PSME4: variants seen among roughly 807,000 people sequenced by gnomAD.
The protein encoded by PSME4 is proteasome activator complex subunit 4.
Under a neutral mutation model 253.9 loss-of-function variants are expected in PSME4, and 89 were observed. The observed-to-expected ratio is 0.35, with a 90% CI of 0.30 to 0.42. The LOEUF (loss-of-function observed/expected upper bound fraction) is 0.42, where lower values mean the gene tolerates loss of function less well. PSME4 is among the 10% of genes least tolerant of loss of function. The pLI is 1.00. For missense variants in PSME4, 2,014 were observed against 2,195.2 expected (o/e 0.92, Z 1.65); for synonymous variants, 851 against 759.2 (o/e 1.12, Z -1.99).
rs759299908 is a variant in PSME4, at chr2:53,927,460, T to C, written c.1527A>G (p.Thr509=). The C allele has an allele frequency of 1.4e-5, 22 of 1,593,606 alleles. No individual in the cohort carries two copies. The highest frequency in any genetic ancestry group is 1.8e-5 in the Non-Finnish European group (21 of 1,161,524). Residue 509 remains threonine, a synonymous_variant, in exon 12 of 47, where the codon ACA becomes ACG. Coordinates refer to ENST00000404125, the MANE Select transcript of PSME4 (RefSeq NM_014614.3). ...CTACTAAAGGCACCAGAGTAGAAAA[T>C]GTTGCTATGAACTGGAATGTGATCT... ...KCMITFQFIA[T]FSTLVPLVDC...
At chr2:53,893,111 T>C in intron 35 of PSME4, 151 bp from the exon 36 acceptor site, 1 of 575,016 alleles carries the variant, frequency 1.7e-6, no homozygotes, top group South Asian at 3.7e-5. Flanking sequence ...TAAGTTAAAA[T>C]AGTAAGAATA....
chr2:53,885,545 C>G, intron 41 of PSME4, 145 bp downstream of exon 41: 1 of 560,468 alleles, frequency 1.8e-6, no homozygotes, highest in Non-Finnish European at 3.2e-6. Context: ...CCACTATCAC[C>G]TAATGATTTT....
rs1013806945 is a variant in PSME4 at position 53,864,979 on chromosome 2, C to T, written c.*599G>A. 2.0e-5 allele frequency: 3 copies of T among 152,632 alleles called. No homozygotes were observed. Among genetic ancestry groups the T allele is most frequent in the Non-Finnish European group, 4.4e-5 (3 of 68,042 alleles). 9.5% of individuals were successfully genotyped at this position (152,632 alleles called of 1,614,324 possible). A position where few individuals can be genotyped will look rare whatever the true frequency, so the allele number is the denominator to read the frequency against. On this transcript the variant is annotated 3_prime_UTR_variant, in exon 47 of 47. Coordinates refer to ENST00000404125, the MANE Select transcript of PSME4 (RefSeq NM_014614.3). Reference sequence around the variant, plus strand: ...AACTGGCTCTATTCAGCACCAAAAACTCCAGTCTGTGGGAAGTGCACAGAC... The same window carrying T: ...AACTGGCTCTATTCAGCACCAAAAATTCCAGTCTGTGGGAAGTGCACAGAC...
intron 3 of PSME4, among the ~76,000 whole-genome samples, chr2:53,948,176 A>C (rs1669812322): frequency 2.0e-5 from 3 of 152,242 alleles, no homozygotes; most frequent in Admixed American, 1.3e-4. Flanking sequence ...AAAATATAAA[A>C]CCAAAAATTA....
chr2:53,897,326 T>C (rs1003200859), intron 31 of PSME4, among the ~76,000 whole-genome samples: 4 of 151,948 alleles, frequency 2.6e-5, no homozygotes, highest in Admixed American at 1.3e-4. Flanking sequence ...TGTGCCACCA[T>C]GCCCAGCTAA....
chr2:53,885,677 A>G lies in PSME4; in HGVS notation c.4815+13T>C, dbSNP rs372660996. 74 of 1,591,322 alleles carry G rather than the reference A, an allele frequency of 4.7e-5. No homozygotes were observed. The African/African-American group carries it at 9.3e-4, about 20-fold the overall frequency. ...CAAAAGGAGATGCATTCTTAATTTC[A>G]GCAAAACCTTACCTTGAAAAACAAA... On this transcript the variant is annotated intron_variant, in intron 41 of 46. Coordinates refer to ENST00000404125, the MANE Select transcript of PSME4 (RefSeq NM_014614.3).
chr2:53,923,313 A>G lies in PSME4; in HGVS notation c.1908+8T>C. 6.3e-7 allele frequency: 1 copy of G among 1,592,044 alleles called. No individual in the cohort carries two copies. Among genetic ancestry groups the G allele is most frequent in the Non-Finnish European group, 8.5e-7 (1 of 1,173,886 alleles). ...CATTAATACATCAGTTCAAAAAAAT[A>G]AACTCACCTTTACAGCAGCGCGGCA... On this transcript the variant is annotated splice_region_variant and intron_variant, in intron 15 of 46. Transcript: ENST00000404125.
Position 53,936,762 on chromosome 2 carries a change from AC to A in PSME4, c.759+1del. On this transcript the variant is annotated splice_donor_variant, in intron 6 of 46. Transcript: ENST00000404125. LOFTEE classifies it high-confidence loss of function. ...GGAAGAAAGGGAAAAAGGGATACTT[AC>A]CCCCTCCCATTGTGGGAGATTTTGC... 1 of 1,575,574 alleles carries A rather than the reference AC, an allele frequency of 6.3e-7. No individual in the cohort carries two copies. The highest frequency in any genetic ancestry group is 8.6e-7 in the Non-Finnish European group (1 of 1,160,502).
Position 53,890,248 on chromosome 2 carries a change from T to G in PSME4, c.4192-40A>C, listed in dbSNP as rs76907658. ...ATATATGGGTAAGAGTTAATGACAC[T>G]CAGAACATTTTTCTTCAAATATCTT... On this transcript the variant is annotated intron_variant, in intron 36 of 46. Transcript: ENST00000404125. 7.1e-3 allele frequency: 9,512 copies of G among 1,344,924 alleles called. 59 individuals are homozygous for G. Among genetic ancestry groups the G allele is most frequent in the Non-Finnish European group, 7.8e-3 (7,435 of 947,224 alleles). The allele number at this position is 1,344,924 out of a possible 1,614,324, so 83.3% of individuals were successfully genotyped here. A position where few individuals can be genotyped will look rare whatever the true frequency, so the allele number is the denominator to read the frequency against.
At chr2:53,934,362 C>A (rs1669005131) in intron 8 of PSME4, among the ~76,000 whole-genome samples, 2 of 152,126 alleles carry the variant, frequency 1.3e-5, no homozygotes. Context: ...TGTTAGACAT[C>A]GTGAATCCCT....
chr2:53,925,321 G>A (rs764295845), intron 14 of PSME4, among the ~76,000 whole-genome samples: 19 of 152,150 alleles, frequency 1.2e-4, no homozygotes, highest in South Asian at 8.3e-4. Flanking sequence ...TTTGTCAGTC[G>A]CAAAAGCTTG....
At chr2:53,903,870 A>T (rs2692524) in intron 27 of PSME4, among the ~76,000 whole-genome samples, 155 bp downstream of exon 27, 36 of 87,018 alleles carry the variant, frequency 4.1e-4, no homozygotes, top group African/African-American at 1.6e-3. Context: ...GAAATACATT[A>T]AAAAAAAGAA....
At chr2:53,879,104 G>A (rs1382209822) in intron 41 of PSME4, among the ~76,000 whole-genome samples, 1 of 151,994 alleles carries the variant, frequency 6.6e-6, no homozygotes, top group Admixed American at 6.6e-5. Context: ...CGACACTTAG[G>A]GAAAATAGAA....
chr2:53,929,703 A>C (rs577219193), intron 10 of PSME4, among the ~76,000 whole-genome samples: 143 of 152,134 alleles, frequency 9.4e-4, no homozygotes, highest in Admixed American at 1.8e-3. Context: ...TAGTTTTTAA[A>C]AAAGTTTTGC....
intron 20 of PSME4, among the ~76,000 whole-genome samples, chr2:53,912,627 T>C (rs1391863794): frequency 1.3e-5 from 2 of 152,094 alleles, no homozygotes. Context: ...CGCCAGCTAA[T>C]TTTGTTTATT....
chr2:53,958,093 G>C (rs909741087), intron 1 of PSME4, among the ~76,000 whole-genome samples: 1 of 151,450 alleles, frequency 6.6e-6, no homozygotes, highest in Non-Finnish European at 1.5e-5. Flanking sequence ...GGCTGGGCCA[G>C]GAGAATTGCT....
At chr2:53,963,430 ACGCAT>A (rs1387677222) in intron 1 of PSME4, among the ~76,000 whole-genome samples, 6 of 152,200 alleles carry the variant, frequency 3.9e-5, no homozygotes, top group Non-Finnish European at 8.8e-5. Context: ...TGCCCAGCCC[ACGCAT>A]TGCACTCAAA....
intron 34 of PSME4, 119 bp downstream of exon 34, chr2:53,894,888 T>C (rs745582100): frequency 2.4e-4 from 209 of 867,640 alleles, no homozygotes; most frequent in Middle Eastern, 4.5e-4. Context: ...TGCAGTGCTA[T>C]ACAGAAAAAC....
rs1247809474 is a variant in PSME4, at chr2:53,963,462, A to C, written c.242+7081T>G. The stretch of plus-strand genomic sequence containing the variant: ...GCACTCAAAAAATTGTGTTCAAAGA[A>C]GATTGATGTCTGCCTCTACTACACT... On this transcript the variant is annotated intron_variant, in intron 1 of 46. Coordinates refer to ENST00000404125, the MANE Select transcript of PSME4 (RefSeq NM_014614.3). Among the ~76,000 whole-genome samples, 7 of 152,318 alleles carry C rather than the reference A, an allele frequency of 4.6e-5. No homozygotes were observed. In the South Asian group the frequency reaches 1.4e-3, roughly 32 times the overall value.
Sources: allele counts gnomAD v4.1 joint callset (sites outside exome capture counted in the v4.1 genomes callset), GRCh38; gene constraint gnomAD v4.1.1; transcripts MANE v1.5; gene names NCBI Gene and HGNC (gene_info 2026-07-23, HGNC 2026-07-21).